The following TRAK2 variants were observed in gnomAD, a reference collection of about 807,000 sequenced individuals.
The protein encoded by TRAK2 is trafficking kinesin-binding protein 2.
A neutral mutation model predicts 104.6 loss-of-function variants in TRAK2; 81 were observed. That is an observed-to-expected ratio of 0.77 (90% confidence interval 0.65 to 0.93). The LOEUF (loss-of-function observed/expected upper bound fraction) is 0.93. Ranked by LOEUF, TRAK2 falls within the 40% of genes least tolerant of loss-of-function variation. The pLI, the probability that TRAK2 is intolerant of heterozygous loss-of-function variation, is 0.00. For missense variants in TRAK2, 1,002 were observed against 1,089.0 expected (o/e 0.92, Z 1.12); for synonymous variants, 406 against 394.4 (o/e 1.03, Z -0.35).
intron 2 of TRAK2, chr2:201,419,481 T>C (rs376513715): frequency 1.9e-4 from 29 of 149,566 alleles, no homozygotes; most frequent in African/African-American, 6.9e-4. Flanking sequence ...AAAAGACACA[T>C]TCAATTTATA....
intron 2 of TRAK2, among the ~76,000 whole-genome samples, chr2:201,419,942 G>T (rs1284593307): frequency 2.6e-5 from 4 of 152,164 alleles, no homozygotes; most frequent in Non-Finnish European, 4.4e-5. Flanking sequence ...AGTCTGGTTT[G>T]GTGGGCAAAT....
intron 1 of TRAK2, chr2:201,433,424 G>A (rs560368889): frequency 6.6e-6 from 1 of 152,264 alleles, no homozygotes; most frequent in East Asian, 1.9e-4. Context: ...AGATAAGTAG[G>A]GTGTCAGAAT....
chr2:201,393,527 C>T (rs1559440097), intron 9 of TRAK2, among the ~76,000 whole-genome samples: 1 of 152,158 alleles, frequency 6.6e-6, no homozygotes, highest in Non-Finnish European at 1.5e-5. Context: ...ACCTTCTTTA[C>T]AACTAGATAT....
At position 201,377,930 on chromosome 2, in the gene TRAK2, C is replaced by A. The variant is rs919801966; in HGVS notation, c.*2613G>T. On this transcript the variant is annotated 3_prime_UTR_variant, in exon 16 of 16. Coordinates refer to ENST00000332624, the MANE Select transcript of TRAK2 (RefSeq NM_015049.3). ...CTATACTGGCATGAAAGTACACATACAATTTTTATCGTAGAAAAGACTAAA... is the reference window on the plus strand; with the variant it reads ...CTATACTGGCATGAAAGTACACATAAAATTTTTATCGTAGAAAAGACTAAA... The A allele has an allele frequency of 2.6e-5, 4 of 151,370 alleles. No homozygotes were observed. The highest frequency in any genetic ancestry group is 9.7e-5 in the African/African-American group (4 of 41,088). The allele number at this position is 151,370 out of a possible 1,614,324, so 9.4% of individuals were successfully genotyped here. A position where few individuals can be genotyped will look rare whatever the true frequency, so the allele number is the denominator to read the frequency against.
In TRAK2 at chr2:201,379,378, T is replaced by C. The variant is rs572813293; in HGVS notation, c.*1165A>G. ...TTAAAAAGTTTATTCTCTAATTCTA[T>C]AAATATCAAGAAGGCAGATGTGTTT... On this transcript the variant is annotated 3_prime_UTR_variant, in exon 16 of 16. Coordinates refer to ENST00000332624, the MANE Select transcript of TRAK2 (RefSeq NM_015049.3). The C allele has an allele frequency of 2.0e-5, 3 of 152,652 alleles. No homozygotes were observed. The highest frequency in any genetic ancestry group is 1.9e-4 in the East Asian group (1 of 5,194). The allele number at this position is 152,652 out of a possible 1,614,324, so 9.5% of individuals were successfully genotyped here.
intron 2 of TRAK2, chr2:201,410,947 T>G: frequency 5.1e-6 from 8 of 1,570,230 alleles, no homozygotes; most frequent in Non-Finnish European, 7.0e-6. Flanking sequence ...CTTGGACTAC[T>G]GTAGAAGTTC....
At position 201,380,853 on chromosome 2, in the gene TRAK2, A is replaced by C. The variant is rs1465938818; in HGVS notation, c.2435T>G (p.Leu812Arg). 2 of 1,613,970 alleles carry C rather than the reference A, an allele frequency of 1.2e-6. No individual in the cohort carries two copies. Among genetic ancestry groups the C allele is most frequent in the Non-Finnish European group, 1.7e-6 (2 of 1,179,994 alleles). The change falls in exon 16 of 16, where the codon CTC (leucine) becomes CGC (arginine). Residue 812 changes from leucine (L) to arginine (R), a missense_variant. Leu to Arg is a moderately radical substitution (Grantham distance 102). Transcript: ENST00000332624. Reference sequence around the variant, plus strand: ...GGGTCTCAAGCCATACATCTCCTGGAGGAATGTCTCAGCTGGTCGAGAGGC... The same window carrying C: ...GGGTCTCAAGCCATACATCTCCTGGCGGAATGTCTCAGCTGGTCGAGAGGC... ...FLASRPAETF[L>R]QEMYGLRPSR...
intron 2 of TRAK2, among the ~76,000 whole-genome samples, chr2:201,418,895 C>T (rs1296343806): frequency 6.6e-6 from 1 of 152,140 alleles, no homozygotes; most frequent in Non-Finnish European, 1.5e-5. Flanking sequence ...TTTAAAACCG[C>T]TCTTCAAAAG....
chr2:201,400,895 CA>C (rs1321408882), intron 4 of TRAK2, 122 bp downstream of exon 4: 2 of 610,836 alleles, frequency 3.3e-6, no homozygotes, highest in Non-Finnish European at 5.6e-6. Flanking sequence ...CCAGTAGCAA[CA>C]ACCTTATACA....
chr2:201,412,261 T>A, intron 2 of TRAK2: 1 of 1,079,042 alleles, frequency 9.3e-7, no homozygotes, highest in Admixed American at 1.7e-5. Flanking sequence ...GTTGAAAAAC[T>A]GTGATTTCTG....
intron 1 of TRAK2, among the ~76,000 whole-genome samples, chr2:201,421,904 G>A (rs533793481): frequency 3.3e-5 from 5 of 151,866 alleles, no homozygotes; most frequent in Admixed American, 6.6e-5. Context: ...CAAAAATTAG[G>A]TGGGTGTGGT....
intron 9 of TRAK2, among the ~76,000 whole-genome samples, chr2:201,393,634 G>C (rs1951468413): frequency 6.6e-6 from 1 of 152,082 alleles, no homozygotes; most frequent in African/African-American, 2.4e-5. Context: ...GAATCACCAG[G>C]GTTGAAGATG....
Position 201,420,492 on chromosome 2 carries a change from T to C in TRAK2, c.16A>G (p.Asn6Asp). The change falls in exon 2 of 16, where the codon AAT (asparagine) becomes GAT (aspartate). Residue 6 changes from asparagine to aspartate, a missense_variant. Physicochemically the swap from Asn to Asp is conservative, Grantham distance 23. Transcript: ENST00000332624. ...CCTGTTGGTGATGTAAAAATTGCAT[T>C]CTGGGATTGACTCATGCAGGATCCT... MSQSQNAIFTSPTGEE... is the reference protein window; with the variant it reads MSQSQDAIFTSPTGEE... The C allele has an allele frequency of 6.2e-7, 1 of 1,614,082 alleles. No individual in the cohort carries two copies. The highest frequency in any genetic ancestry group is 8.5e-7 in the Non-Finnish European group (1 of 1,179,938).
At chr2:201,405,482 C>T (rs1472545650) in intron 3 of TRAK2, among the ~76,000 whole-genome samples, 1 of 152,164 alleles carries the variant, frequency 6.6e-6, no homozygotes, top group Non-Finnish European at 1.5e-5. Context: ...CTCTTTAAAA[C>T]ACAGGCAGCT....
At chr2:201,425,043 T>G (rs1476934586) in intron 1 of TRAK2, among the ~76,000 whole-genome samples, 1 of 152,228 alleles carries the variant, frequency 6.6e-6, no homozygotes, top group African/African-American at 2.4e-5. Context: ...GAAGTTTTAT[T>G]GGAATACAGC....
In TRAK2 at chr2:201,399,428, T is replaced by C. The variant is rs751071223; in HGVS notation, c.429A>G (p.Leu143=). 6 of 1,612,848 alleles carry C rather than the reference T, an allele frequency of 3.7e-6. No homozygotes were observed. The highest frequency in any genetic ancestry group is 3.3e-5 in the South Asian group (3 of 90,942). The stretch of plus-strand genomic sequence containing the variant: ...CCTCCAGGGATTCGTTCTGCTCAGA[T>C]AAGACATGGTTCCGCTTTAAGAGAG... ...GQALLKRNHV[L]SEQNESLEEQ... The change falls in exon 5 of 16, where the codon TTA becomes TTG. Residue 143 remains leucine, a synonymous_variant. Transcript: ENST00000332624.
rs577651175 is a variant in TRAK2, at chr2:201,390,373, T to C, written c.1114-493A>G. 3.2e-3 allele frequency among the ~76,000 whole-genome samples: 466 copies of C among 144,702 alleles called. 4 individuals are homozygous for C. The highest frequency in any genetic ancestry group is 0.011 in the African/African-American group (440 of 39,518). The allele number at this position is 144,702 out of a possible 152,430, so 94.9% of individuals were successfully genotyped here. On this transcript the variant is annotated intron_variant, in intron 10 of 15. Coordinates refer to ENST00000332624, the MANE Select transcript of TRAK2 (RefSeq NM_015049.3). ...TCCTGGCTAACATGGTGAAACCCTG[T>C]CTCTACTAAAAATACAAAAAAATAC...
chr2:201,428,084 G>A (rs1038551134), intron 1 of TRAK2, among the ~76,000 whole-genome samples: 5 of 151,778 alleles, frequency 3.3e-5, no homozygotes, highest in Admixed American at 6.6e-5. Flanking sequence ...TGTCAGATGC[G>A]TAGATTGCAA....
intron 10 of TRAK2, among the ~76,000 whole-genome samples, chr2:201,390,563 C>CAAAAAA (rs566298441): frequency 1.8e-4 from 16 of 87,224 alleles, no homozygotes; most frequent in African/African-American, 7.3e-4. Flanking sequence ...GACTCCGTCT[C>CAAAAAA]AAAAAAAAAA....
Sources: allele counts gnomAD v4.1 joint callset (sites outside exome capture counted in the v4.1 genomes callset), GRCh38; gene constraint gnomAD v4.1.1; transcripts MANE v1.5; gene names NCBI Gene and HGNC (gene_info 2026-07-23, HGNC 2026-07-21).